ERG: variants seen among roughly 807,000 people sequenced by gnomAD.
The protein encoded by ERG is transcriptional regulator ERG.
A neutral mutation model predicts 55.3 loss-of-function variants in ERG; 9 were observed. The observed-to-expected ratio is 0.16, with a 90% CI of 0.10 to 0.28. The LOEUF (loss-of-function observed/expected upper bound fraction) is 0.28, where lower values mean the gene tolerates loss of function less well. Among genes scored for constraint, ERG ranks in the 10% least tolerant of loss-of-function variants. The pLI is 1.00. For missense variants in ERG, 434 were observed against 631.6 expected (o/e 0.69, Z 3.35); for synonymous variants, 223 against 237.3 (o/e 0.94, Z 0.55).
chr21:38,417,083 C>T (rs1044621945), intron 3 of ERG, among the ~76,000 whole-genome samples: 1 of 152,210 alleles, frequency 6.6e-6, no homozygotes, highest in Non-Finnish European at 1.5e-5. Context: ...AAACTACTTA[C>T]CCCACATGGG....
intron 1 of ERG, among the ~76,000 whole-genome samples, chr21:38,476,333 T>A (rs1394740889): frequency 1.3e-5 from 2 of 152,208 alleles, no homozygotes; most frequent in Admixed American, 1.3e-4. Context: ...TTTCACCAAG[T>A]GCCTCGCTTC....
chr21:38,424,309 G>A (rs540288899), intron 2 of ERG, among the ~76,000 whole-genome samples: 2 of 152,168 alleles, frequency 1.3e-5, no homozygotes, highest in South Asian at 4.2e-4. Context: ...CCCTGCTGGT[G>A]TCTGATTTTA....
chr21:38,435,739 G>T (rs1233955366), intron 2 of ERG, among the ~76,000 whole-genome samples: 6 of 152,180 alleles, frequency 3.9e-5, no homozygotes, highest in African/African-American at 1.4e-4. Context: ...ATGCCAGCAA[G>T]ACCGTGTTGC....
chr21:38,429,364 T>G (rs1363118694), intron 2 of ERG, among the ~76,000 whole-genome samples: 1 of 128,120 alleles, frequency 7.8e-6, no homozygotes, highest in Non-Finnish European at 1.7e-5. Flanking sequence ...ACATATATAA[T>G]ATGTACACAT....
chr21:38,618,827 T>C (rs2060273727), intron 1 of ERG, among the ~76,000 whole-genome samples: 1 of 152,190 alleles, frequency 6.6e-6, no homozygotes, highest in East Asian at 1.9e-4. Context: ...AGTGACAACT[T>C]TGTGCCTCTG....
At chr21:38,572,613 A>C (rs755954383) in intron 2 of ERG, among the ~76,000 whole-genome samples, 69 of 152,332 alleles carry the variant, frequency 4.5e-4, no homozygotes, top group Admixed American at 2.3e-3. Flanking sequence ...TGATAGGTTT[A>C]TAAAGGAAAT....
intron 2 of ERG, among the ~76,000 whole-genome samples, chr21:38,436,680 A>G (rs1262757976): frequency 1.3e-5 from 2 of 152,224 alleles, no homozygotes; most frequent in African/African-American, 4.8e-5. Flanking sequence ...GTATACCAAA[A>G]TCTATTAATA....
intron 1 of ERG, among the ~76,000 whole-genome samples, chr21:38,487,744 G>T (rs576277060): frequency 6.6e-6 from 1 of 152,312 alleles, no homozygotes; most frequent in African/African-American, 2.4e-5. Flanking sequence ...TGACTGTCTA[G>T]GGGCAACAGA....
intron 2 of ERG, among the ~76,000 whole-genome samples, chr21:38,510,429 C>CT (rs1318404941): frequency 1.3e-5 from 2 of 152,152 alleles, no homozygotes; most frequent in African/African-American, 4.8e-5. Flanking sequence ...TACTATTTTT[C>CT]TTTAACAGCC....
chr21:38,477,007 C>CTTTTTTTTTTTTTTTTTTTTT (rs397867221), intron 1 of ERG, among the ~76,000 whole-genome samples: 1 of 84,156 alleles, frequency 1.2e-5, no homozygotes, highest in African/African-American at 4.7e-5. Context: ...TCTTTCTTTC[C>CTTTTTTTTTTTTTTTTTTTTT]TTTTTTTTTT....
rs980209784 is a variant in ERG, at chr21:38,542,254, C to G, written c.-41+33408G>C. Among the ~76,000 whole-genome samples, 8 of 152,300 alleles carry G rather than the reference C, an allele frequency of 5.3e-5. No individual in the cohort carries two copies. The South Asian group carries it at 8.3e-4, about 16-fold the overall frequency. On this transcript the variant is annotated intron_variant, in intron 2 of 8. Coordinates refer to the ERG transcript ENST00000398897. ...CCACCCGCCTCAGCCTCCCAAAGTG[C>G]TGGGATTACAGGCGTGAGTCACCGC...
intron 1 of ERG, among the ~76,000 whole-genome samples, chr21:38,487,812 C>G (rs1199340337): frequency 1.3e-5 from 2 of 152,208 alleles, no homozygotes; most frequent in Non-Finnish European, 2.9e-5. Flanking sequence ...CATAGTGTGT[C>G]TTCCAACAAG....
chr21:38,584,192 A>G (rs2060048003), intron 1 of ERG, among the ~76,000 whole-genome samples: 1 of 152,188 alleles, frequency 6.6e-6, no homozygotes. Flanking sequence ...TGCGGCCTGC[A>G]TGAGTGTCAT....
the ERG span, among the ~76,000 whole-genome samples, chr21:38,370,203 A>G: frequency 1.3e-5 from 2 of 152,078 alleles, no homozygotes; most frequent in Non-Finnish European, 2.9e-5. Context: ...CATGAGCTTG[A>G]GCATTGTTTA....
At chr21:38,505,235 C>CT (rs1366083926) in intron 2 of ERG, among the ~76,000 whole-genome samples, 4 of 152,182 alleles carry the variant, frequency 2.6e-5, no homozygotes, top group African/African-American at 4.8e-5. Flanking sequence ...GCCCTATACC[C>CT]GTGCCTGAAG....
intron 1 of ERG, among the ~76,000 whole-genome samples, chr21:38,496,864 A>C (rs573491212): frequency 3.3e-5 from 5 of 152,326 alleles, no homozygotes; most frequent in South Asian, 2.1e-4. Context: ...GGGAAAAAAA[A>C]CCACATAAGA....
At chr21:38,495,930 A>C (rs191838408) in intron 1 of ERG, among the ~76,000 whole-genome samples, 7 of 152,306 alleles carry the variant, frequency 4.6e-5, no homozygotes, top group South Asian at 2.1e-4. Flanking sequence ...GGAAGCACCA[A>C]AACCAATCAG....
intron 1 of ERG, among the ~76,000 whole-genome samples, chr21:38,449,926 G>A (rs933765519): frequency 1.3e-5 from 2 of 152,090 alleles, no homozygotes; most frequent in Admixed American, 6.6e-5. Flanking sequence ...GTCCTTTCGT[G>A]GTTTTCAAAA....
intron 1 of ERG, among the ~76,000 whole-genome samples, chr21:38,651,458 G>A (rs1224772161): frequency 2.6e-5 from 4 of 152,154 alleles, no homozygotes; most frequent in Admixed American, 6.5e-5. Flanking sequence ...AGATGGAGAC[G>A]TGCTGTAAAT....
Sources: gnomAD v4.1 joint callset for allele counts (sites outside exome capture counted in the v4.1 genomes callset) on GRCh38, gnomAD v4.1.1 for gene constraint, MANE v1.5 for transcripts, NCBI Gene and HGNC (gene_info 2026-07-23, HGNC 2026-07-21) for gene names.